Variants in SLC22A16 observed in about 807,000 individuals in gnomAD.
SLC22A16 encodes the protein solute carrier family 22 member 16.
In SLC22A16, 53 loss-of-function variants were observed where a neutral mutation model predicts 52.9. That is an observed-to-expected ratio of 1.00 (90% CI 0.80 to 1.26). SLC22A16 has a LOEUF of 1.26. Among genes scored for constraint, SLC22A16 ranks in the 50% most tolerant of loss-of-function variants. SLC22A16 has a pLI of 0.00. For synonymous variants in SLC22A16, 291 were observed against 268.8 expected, an observed-to-expected ratio of 1.08 and a Z score of -0.81; for missense variants, 726 against 704.0, an observed-to-expected ratio of 1.03 and a Z score of -0.35.
intron 7 of SLC22A16, among the ~76,000 whole-genome samples, chr6:110,429,619 T>C (rs1774414691): frequency 6.6e-6 from 1 of 152,156 alleles, no homozygotes; most frequent in Non-Finnish European, 1.5e-5. Context: ...GGGAAACACT[T>C]GGCTAGGCCC....
intron 2 of SLC22A16, among the ~76,000 whole-genome samples, chr6:110,454,228 C>T (rs963047560): frequency 6.6e-6 from 1 of 152,072 alleles, no homozygotes; most frequent in Non-Finnish European, 1.5e-5. Flanking sequence ...AAATGGCCCA[C>T]ATAAAAAAGT....
At chr6:110,438,993 G>A in intron 4 of SLC22A16, 146 bp from the exon 5 acceptor site, 1 of 980,332 alleles carries the variant, frequency 1.0e-6, no homozygotes, top group South Asian at 1.8e-5. Flanking sequence ...TTGCTGCGAG[G>A]CAGCCAGCCC....
At chr6:110,430,353 A>G (rs1050708519) in intron 7 of SLC22A16, among the ~76,000 whole-genome samples, 17 of 151,976 alleles carry the variant, frequency 1.1e-4, no homozygotes, top group African/African-American at 4.1e-4. Flanking sequence ...GAGAATGTAC[A>G]TGAGGCTGGA....
At chr6:110,465,100 TA>T (rs71018392) in intron 1 of SLC22A16, among the ~76,000 whole-genome samples, 35,211 of 130,472 alleles carry the variant, frequency 0.27, 5,607 homozygotes, top group African/African-American at 0.49. Flanking sequence ...CCCTTCATGA[TA>T]AAAAAAAAAA....
rs139780712 is a variant in SLC22A16, at chr6:110,428,045, G to A, written c.1522-2960C>T. ...AAATGAGTTAATGAGCACATAAAAAGCTAATTACGTGTCCACCTTTTTTAG... is the reference window on the plus strand; with the variant it reads ...AAATGAGTTAATGAGCACATAAAAAACTAATTACGTGTCCACCTTTTTTAG... On this transcript the variant is annotated intron_variant, in intron 7 of 7. Transcript: ENST00000368919. Among the ~76,000 whole-genome samples the A allele has an allele frequency of 5.3e-4, 81 of 151,418 alleles. 1 individual carries two copies. Among genetic ancestry groups the A allele is most frequent in the African/African-American group, 2.0e-3 (80 of 40,818 alleles).
intron 1 of SLC22A16, among the ~76,000 whole-genome samples, chr6:110,461,171 A>C (rs1363226968): frequency 6.6e-6 from 1 of 152,228 alleles, no homozygotes; most frequent in Non-Finnish European, 1.5e-5. Flanking sequence ...CAAAGTAGCA[A>C]TGTCCCTGCA....
intron 1 of SLC22A16, among the ~76,000 whole-genome samples, chr6:110,473,402 A>T (rs946811042): frequency 6.9e-6 from 1 of 145,408 alleles, no homozygotes; most frequent in Non-Finnish European, 1.5e-5. Context: ...TTTCATATGG[A>T]GCTTAAGCTG....
At chr6:110,450,190 A>AGG (rs36072301) in intron 2 of SLC22A16, among the ~76,000 whole-genome samples, 5 of 151,552 alleles carry the variant, frequency 3.3e-5, no homozygotes, top group African/African-American at 1.2e-4. Flanking sequence ...AAAAAAAAGG[A>AGG]GGGGGGGGCA....
chr6:110,428,439 G>A (rs1266792501), intron 7 of SLC22A16, among the ~76,000 whole-genome samples: 1 of 152,144 alleles, frequency 6.6e-6, no homozygotes, highest in Non-Finnish European at 1.5e-5. Context: ...ATTGTTTGTT[G>A]GACCTTGTGT....
chr6:110,427,331 T>A (rs143156179), intron 7 of SLC22A16, among the ~76,000 whole-genome samples: 2 of 152,100 alleles, frequency 1.3e-5, no homozygotes, highest in East Asian at 3.9e-4. Context: ...ATACCCACAT[T>A]GCCTGGGTAC....
At chr6:110,447,027 TAG>T in intron 2 of SLC22A16, 37 bp from the exon 3 acceptor site, 1 of 1,553,390 alleles carries the variant, frequency 6.4e-7, no homozygotes, top group Non-Finnish European at 8.8e-7. Context: ...AGAGGAAAGG[TAG>T]AGTTGTAACA....
At chr6:110,447,023 A>C (rs368500395) in intron 2 of SLC22A16, 33 bp from the exon 3 acceptor site, 7 of 1,564,334 alleles carry the variant, frequency 4.5e-6, no homozygotes, top group Non-Finnish European at 6.1e-6. Flanking sequence ...TGGAAGAGGA[A>C]AGGTAGAGTT....
chr6:110,425,726 C>G (rs559634418), intron 7 of SLC22A16, among the ~76,000 whole-genome samples: 1 of 152,214 alleles, frequency 6.6e-6, no homozygotes, highest in East Asian at 1.9e-4. Flanking sequence ...AAAAGGCAGC[C>G]TTTTAGACTA....
chr6:110,428,896 G>A (rs1406612473), intron 7 of SLC22A16, among the ~76,000 whole-genome samples: 1 of 152,146 alleles, frequency 6.6e-6, no homozygotes, highest in Non-Finnish European at 1.5e-5. Context: ...CTCCCGCCTG[G>A]TCGACAGAGC....
chr6:110,450,455 T>C (rs1775332583), intron 2 of SLC22A16, among the ~76,000 whole-genome samples: 1 of 150,916 alleles, frequency 6.6e-6, no homozygotes, highest in Admixed American at 6.6e-5. Context: ...CTGCTGAAAA[T>C]ACAAAAATTA....
In SLC22A16 at chr6:110,476,480, G is replaced by A. The variant is rs1776485258; in HGVS notation, c.53+42C>T. 4.1e-6 allele frequency: 6 copies of A among 1,470,260 alleles called. No homozygotes were observed. The South Asian group carries it at 8.0e-5, about 20-fold the overall frequency. The allele number at this position is 1,470,260 out of a possible 1,614,324, so 91.1% of individuals were successfully genotyped here. A position where few individuals can be genotyped will look rare whatever the true frequency, so the allele number is the denominator to read the frequency against. On this transcript the variant is annotated intron_variant, in intron 1 of 7. Transcript: ENST00000368919. ...GCAACGGAAAGAAACAGACCCCTCG[G>A]CGCCGCCTCCCGCGTGGCGCCGCGG...
At chr6:110,461,950 G>C (rs553380050) in intron 1 of SLC22A16, among the ~76,000 whole-genome samples, 3 of 152,326 alleles carry the variant, frequency 2.0e-5, no homozygotes, top group Admixed American at 1.3e-4. Flanking sequence ...AAAGAAAGAG[G>C]TTTATTGGAC....
At chr6:110,449,951 T>C (rs994885491) in intron 2 of SLC22A16, among the ~76,000 whole-genome samples, 1 of 152,232 alleles carries the variant, frequency 6.6e-6, no homozygotes, top group African/African-American at 2.4e-5. Flanking sequence ...CACACTGACT[T>C]TCCCACAATT....
Position 110,442,593 on chromosome 6 carries a change from A to T in SLC22A16, c.834T>A (p.Thr278=), listed in dbSNP as rs757693693. ...CCCAACAGCACAGGATAAAGGGGAC[A>T]GTCACTGTGGAGAGGATCATCTGGT... ...WLYQMILSTV[T]VPFILCCWVL... Residue 278 remains threonine (T), a synonymous_variant, in exon 4 of 8, where the codon ACT becomes ACA. Transcript: ENST00000368919. The T allele has an allele frequency of 5.6e-6, 9 of 1,614,216 alleles. No homozygotes were observed. The South Asian group carries it at 8.8e-5, about 16-fold the overall frequency.
Sources: gnomAD v4.1 joint callset for allele counts (sites outside exome capture counted in the v4.1 genomes callset) on GRCh38, gnomAD v4.1.1 for gene constraint, MANE v1.5 for transcripts, NCBI Gene and HGNC (gene_info 2026-07-23, HGNC 2026-07-21) for gene names.